The following ABCA13 variants were observed in gnomAD, a reference collection of about 807,000 sequenced individuals.
ABCA13 encodes the protein ATP-binding cassette sub-family A member 13.
Under a neutral mutation model 478.7 loss-of-function variants are expected in ABCA13, and 476 were observed. The observed-to-expected ratio is 0.99, with a 90% confidence interval of 0.92 to 1.07. ABCA13 has a LOEUF of 1.07. Among genes scored for constraint, ABCA13 ranks in the 50% least tolerant of loss-of-function variants. The pLI is 0.00. For synonymous variants in ABCA13, 2,252 were observed against 2,158.9 expected (o/e 1.04, Z -1.20); for missense variants, 6,060 against 5,910.6 (o/e 1.03, Z -0.83).
intron 55 of ABCA13, among the ~76,000 whole-genome samples, chr7:48,561,933 C>T (rs1221011163): frequency 1.3e-5 from 2 of 151,918 alleles, no homozygotes; most frequent in East Asian, 3.9e-4. Flanking sequence ...TGTCCAATTT[C>T]ATTCTTTTGC....
At chr7:48,477,028 A>C (rs1585502221) in intron 45 of ABCA13, among the ~76,000 whole-genome samples, 1 of 152,340 alleles carries the variant, frequency 6.6e-6, no homozygotes, top group East Asian at 1.9e-4. Context: ...ACAATCCAGG[A>C]TAATCTTCTG....
rs969879545 is a variant in ABCA13 at position 48,456,441 on chromosome 7, G to T, written c.12815+1155G>T. 5.9e-5 allele frequency among the ~76,000 whole-genome samples: 9 copies of T among 152,256 alleles called. No homozygotes were observed. In the South Asian group the frequency reaches 1.5e-3, roughly 25 times the overall value. On this transcript the variant is annotated intron_variant, in intron 43 of 61. Transcript: ENST00000435803. ...TTTGAGTCTTTTGATTATAAAATAT[G>T]TTTCTTGAAGAAAATAATACAAAGC...
At chr7:48,323,853 G>T (rs1042379041) in intron 27 of ABCA13, among the ~76,000 whole-genome samples, 2 of 152,146 alleles carry the variant, frequency 1.3e-5, no homozygotes, top group African/African-American at 4.8e-5. Context: ...TCCCCATACT[G>T]TTCTCGTGAG....
At chr7:48,599,750 A>G (rs1030016745) in intron 58 of ABCA13, among the ~76,000 whole-genome samples, 1 of 152,136 alleles carries the variant, frequency 6.6e-6, no homozygotes, top group Non-Finnish European at 1.5e-5. Flanking sequence ...TTGTATTCCA[A>G]TAAAATTTTA....
At chr7:48,570,935 T>G (rs1452146971) in intron 55 of ABCA13, among the ~76,000 whole-genome samples, 2 of 151,426 alleles carry the variant, frequency 1.3e-5, no homozygotes, top group African/African-American at 4.9e-5. Context: ...CATACCACTT[T>G]AAGTCCTTAT....
At chr7:48,375,163 T>C (rs1346369582) in intron 34 of ABCA13, among the ~76,000 whole-genome samples, 2 of 152,136 alleles carry the variant, frequency 1.3e-5, no homozygotes, top group Non-Finnish European at 2.9e-5. Flanking sequence ...TAGGAAAAAA[T>C]GCACAATAAA....
In ABCA13 at chr7:48,392,061, T is replaced by C. The variant is rs752065384; in HGVS notation, c.11795T>C (p.Val3932Ala). The change falls in exon 38 of 62, where the codon GTC becomes GCC. Residue 3932 changes from valine to alanine, a missense_variant. Physicochemically the swap from Val to Ala is moderately conservative, Grantham distance 64 (BLOSUM62 0). This residue lies in a region of ABCA13 where 1,627 missense variants were observed against 1,571.0 expected (regional missense o/e 1.04). Coordinates refer to ENST00000435803, the MANE Select transcript of ABCA13 (RefSeq NM_152701.5). Reference sequence around the variant, plus strand: ...GACATCCTGTTGGACAACCTCACCGTCCGGGAACATTTGCTGCTCTTTGCT... The same window carrying C: ...GACATCCTGTTGGACAACCTCACCGCCCGGGAACATTTGCTGCTCTTTGCT... ...QQDILLDNLT[V>A]REHLLLFASI... 7.4e-6 allele frequency: 12 copies of C among 1,613,810 alleles called. No homozygotes were observed. Among genetic ancestry groups the C allele is most frequent in the Non-Finnish European group, 1.0e-5 (12 of 1,179,880 alleles).
At chr7:48,269,566 C>T (rs1055088274) in intron 16 of ABCA13, among the ~76,000 whole-genome samples, 3 of 152,056 alleles carry the variant, frequency 2.0e-5, no homozygotes, top group African/African-American at 7.2e-5. Context: ...ATTTTTATGT[C>T]TGGTTATGAA....
At chr7:48,533,195 T>C (rs1833354922) in intron 55 of ABCA13, among the ~76,000 whole-genome samples, 1 of 152,126 alleles carries the variant, frequency 6.6e-6, no homozygotes, top group African/African-American at 2.4e-5. Context: ...ACAGGTTGTG[T>C]CACTATTATC....
At chr7:48,474,868 T>C (rs1827908763) in intron 45 of ABCA13, among the ~76,000 whole-genome samples, 1 of 152,218 alleles carries the variant, frequency 6.6e-6, no homozygotes, top group Non-Finnish European at 1.5e-5. Flanking sequence ...TGGGTAAATA[T>C]CAGAATGATT....
intron 39 of ABCA13, among the ~76,000 whole-genome samples, chr7:48,405,477 G>A (rs1818143477): frequency 6.6e-6 from 1 of 152,152 alleles, no homozygotes; most frequent in Non-Finnish European, 1.5e-5. Context: ...GGCAGACATG[G>A]GATACTGACC....
Position 48,515,788 on chromosome 7 carries a change from A to AT in ABCA13, c.13641-929dup, listed in dbSNP as rs562155042. On this transcript the variant is annotated intron_variant, in intron 51 of 61. Coordinates refer to ENST00000435803, the MANE Select transcript of ABCA13 (RefSeq NM_152701.5). ...CTTTCAGTTTTTATTTTTAGGCCTT[A>AT]TTTTTTTTACGTAGCTCTGCAGCTT... Among the ~76,000 whole-genome samples, 550 of 151,850 alleles carry AT rather than the reference A, an allele frequency of 3.6e-3. 2 individuals carry two copies. The highest frequency in any genetic ancestry group is 5.2e-3 in the Non-Finnish European group (352 of 67,890).
intron 41 of ABCA13, among the ~76,000 whole-genome samples, chr7:48,418,015 C>A (rs4917132): frequency 0.8 from 122,209 of 152,198 alleles, 49,185 homozygotes; most frequent in South Asian, 0.88. Context: ...GGCTTGATAG[C>A]TTATTTCATT....
intron 47 of ABCA13, among the ~76,000 whole-genome samples, chr7:48,487,593 C>T (rs1268794928): frequency 6.6e-6 from 1 of 152,194 alleles, no homozygotes; most frequent in Non-Finnish European, 1.5e-5. Context: ...CTTGTGTCTT[C>T]TATTTTTTCC....
At chr7:48,216,436 A>G (rs1786488748) in intron 3 of ABCA13, among the ~76,000 whole-genome samples, 1 of 151,932 alleles carries the variant, frequency 6.6e-6, no homozygotes, top group South Asian at 2.1e-4. Context: ...TTTAAATTGG[A>G]TTATTTGTCT....
At chr7:48,308,738 G>A (rs1404444992) in intron 23 of ABCA13, among the ~76,000 whole-genome samples, 2 of 151,826 alleles carry the variant, frequency 1.3e-5, no homozygotes, top group Admixed American at 1.3e-4. Context: ...GTGGTCCCAT[G>A]AGATTATACT....
intron 13 of ABCA13, among the ~76,000 whole-genome samples, chr7:48,247,042 C>T (rs1329501654): frequency 2.6e-5 from 4 of 151,914 alleles, no homozygotes; most frequent in African/African-American, 9.7e-5. Context: ...TAAGACCAAC[C>T]TGGGCAACAT....
chr7:48,600,635 A>G (rs62447341), intron 58 of ABCA13, among the ~76,000 whole-genome samples: 5,479 of 152,146 alleles, frequency 0.036, 154 homozygotes, highest in Non-Finnish European at 0.054. Flanking sequence ...TTAATTCTAG[A>G]AAAGTGTTGT....
At chr7:48,317,984 C>T (rs368820957) in intron 27 of ABCA13, among the ~76,000 whole-genome samples, 25 of 152,194 alleles carry the variant, frequency 1.6e-4, no homozygotes, top group Admixed American at 1.6e-3. Context: ...GGCCTGTAAG[C>T]CTACAGGCAC....
Sources: allele counts gnomAD v4.1 joint callset (sites outside exome capture counted in the v4.1 genomes callset), GRCh38; gene constraint gnomAD v4.1.1; regional missense constraint gnomAD v4.1.1; transcripts MANE v1.5; gene names NCBI Gene and HGNC (gene_info 2026-07-23, HGNC 2026-07-21).